Variants in FMNL3 observed in about 807,000 individuals in gnomAD.
The protein encoded by FMNL3 is formin like 3, also known as formin-like protein 3.
FMNL3 carries 57 observed loss-of-function variants against 119.6 expected under a neutral mutation model. The observed-to-expected ratio is 0.48, with a 90% CI of 0.39 to 0.59. The LOEUF (loss-of-function observed/expected upper bound fraction) is 0.59. Ranked by LOEUF, FMNL3 falls within the 20% of genes least tolerant of loss-of-function variation. The pLI is 0.00. For synonymous variants in FMNL3, 491 were observed against 507.3 expected (o/e 0.97, Z 0.43); for missense variants, 1,053 against 1,323.5 (o/e 0.80, Z 3.17).
chr12:49,654,808 C>T (rs1943520096), intron 10 of FMNL3, 102 bp downstream of exon 10: 2 of 1,102,508 alleles, frequency 1.8e-6, no homozygotes, highest in Admixed American at 4.2e-5. Context: ...ATTCTGGGCT[C>T]TACGTGGAAT....
intron 1 of FMNL3, among the ~76,000 whole-genome samples, chr12:49,670,605 AAAG>A (rs1435251490): frequency 6.6e-6 from 1 of 152,200 alleles, no homozygotes; most frequent in African/African-American, 2.4e-5. Flanking sequence ...TGAGAGAAAC[AAAG>A]AAGGGGAAGA....
chr12:49,646,768 A>T, intron 25 of FMNL3, 118 bp downstream of exon 25: 2 of 1,601,996 alleles, frequency 1.2e-6, no homozygotes, highest in Non-Finnish European at 1.7e-6. Flanking sequence ...GGCCCAGGAG[A>T]GAGACACAGT....
chr12:49,687,003 C>A (rs1314884941), intron 1 of FMNL3, among the ~76,000 whole-genome samples: 5 of 152,164 alleles, frequency 3.3e-5, no homozygotes, highest in Non-Finnish European at 7.4e-5. Context: ...GCACTGGGAT[C>A]CAAAGTTCAT....
At chr12:49,685,989 C>T (rs1207242594) in intron 1 of FMNL3, among the ~76,000 whole-genome samples, 1 of 152,110 alleles carries the variant, frequency 6.6e-6, no homozygotes, top group Non-Finnish European at 1.5e-5. Flanking sequence ...ATCACTTGAA[C>T]CTGGGAGGCA....
At position 49,645,412 on chromosome 12, in the gene FMNL3, C is replaced by T. The variant is rs1027346820; in HGVS notation, c.*403G>A. ...TCCCAGGGCTCCCTAAGCCTAGATA[C>T]ATCTAGACCAGAGCTGACCATGGGC... On this transcript the variant is annotated 3_prime_UTR_variant, in exon 26 of 26. Coordinates refer to ENST00000335154, the MANE Select transcript of FMNL3 (RefSeq NM_175736.5). The T allele has an allele frequency of 5.9e-6, 1 of 169,106 alleles. No individual in the cohort carries two copies. Among genetic ancestry groups the T allele is most frequent in the Non-Finnish European group, 1.3e-5 (1 of 79,202 alleles). 10.5% of individuals were successfully genotyped at this position (169,106 alleles called of 1,614,324 possible).
rs1343998810 is a variant in FMNL3 at position 49,637,939 on chromosome 12, A to G, written c.*7876T>C. The G allele has an allele frequency of 1.3e-6, 1 of 773,220 alleles. No homozygotes were observed. The allele number at this position is 773,220 out of a possible 1,614,324, so 47.9% of individuals were successfully genotyped here. On this transcript the variant is annotated 3_prime_UTR_variant, in exon 26 of 26. Coordinates refer to ENST00000335154, the MANE Select transcript of FMNL3 (RefSeq NM_175736.5). ...AGCATTACAGCTTGGTTCAGCAGAT[A>G]TCTACTGTGATCCTTTACTGCACAC...
intron 1 of FMNL3, among the ~76,000 whole-genome samples, chr12:49,696,147 T>C (rs1340174308): frequency 6.6e-6 from 1 of 152,204 alleles, no homozygotes; most frequent in Non-Finnish European, 1.5e-5. Flanking sequence ...GATATAAAAT[T>C]ATATAGTAAT....
rs368213608 is a variant in FMNL3 at position 49,643,695 on chromosome 12, T to C, written c.*2120A>G. 1.9e-6 allele frequency: 3 copies of C among 1,614,040 alleles called. No homozygotes were observed. Among genetic ancestry groups the C allele is most frequent in the Non-Finnish European group, 2.5e-6 (3 of 1,179,980 alleles). On this transcript the variant is annotated 3_prime_UTR_variant, in exon 26 of 26. Coordinates refer to ENST00000335154, the MANE Select transcript of FMNL3 (RefSeq NM_175736.5). Reference sequence around the variant, plus strand: ...TAGGGATTTTTCTATCTCTAGATCATGGCCTTCGGAAAGCCAAGAAACCAA... The same window carrying C: ...TAGGGATTTTTCTATCTCTAGATCACGGCCTTCGGAAAGCCAAGAAACCAA...
intron 1 of FMNL3, among the ~76,000 whole-genome samples, chr12:49,690,351 T>C (rs969375919): frequency 6.6e-6 from 1 of 152,176 alleles, no homozygotes; most frequent in Non-Finnish European, 1.5e-5. Flanking sequence ...AATGAACATT[T>C]AGAATAGACC....
At chr12:49,646,674 C>T in intron 25 of FMNL3, 1 of 1,535,844 alleles carries the variant, frequency 6.5e-7, no homozygotes, top group Non-Finnish European at 8.7e-7. Flanking sequence ...AACAGTTTGA[C>T]TCATCATGGT....
intron 1 of FMNL3, among the ~76,000 whole-genome samples, chr12:49,706,588 G>A (rs1050228297): frequency 1.3e-5 from 2 of 152,074 alleles, no homozygotes; most frequent in African/African-American, 4.8e-5. Flanking sequence ...CTGGGAGTGG[G>A]ACCCACTCCC....
intron 1 of FMNL3, among the ~76,000 whole-genome samples, chr12:49,690,266 C>T (rs950120357): frequency 2.0e-5 from 3 of 152,072 alleles, no homozygotes; most frequent in Admixed American, 1.3e-4. Flanking sequence ...CCCCCAAGTA[C>T]AAGGGAAAGT....
At chr12:49,676,742 G>C (rs1473500594) in intron 1 of FMNL3, among the ~76,000 whole-genome samples, 1 of 151,984 alleles carries the variant, frequency 6.6e-6, no homozygotes, top group Non-Finnish European at 1.5e-5. Flanking sequence ...TTTTACCACT[G>C]TCCTTACTAT....
At chr12:49,697,536 C>T (rs1334502658) in intron 1 of FMNL3, among the ~76,000 whole-genome samples, 1 of 152,174 alleles carries the variant, frequency 6.6e-6, no homozygotes, top group Non-Finnish European at 1.5e-5. Flanking sequence ...ACAGCCTTGG[C>T]TCTCAGCTAG....
Position 49,647,420 on chromosome 12 carries a change from G to T in FMNL3, c.2779-52C>A. On this transcript the variant is annotated intron_variant, in intron 23 of 25. Coordinates refer to ENST00000335154, the MANE Select transcript of FMNL3 (RefSeq NM_175736.5). This position sits in a 1 kb window ranked among gnomAD's most constrained non-coding sequence, Gnocchi z 4.9. ...GGGAGTGAGGCTCATAGGCTGTGAG[G>T]GGAGGGGCTGACACTGAGGTGGAGA... The T allele has an allele frequency of 6.3e-7, 1 of 1,578,690 alleles. No homozygotes were observed. The highest frequency in any genetic ancestry group is 8.6e-7 in the Non-Finnish European group (1 of 1,156,502).
intron 1 of FMNL3, 58 bp downstream of exon 1, chr12:49,706,997 C>T (rs561559132): frequency 1.9e-6 from 3 of 1,538,882 alleles, no homozygotes; most frequent in African/African-American, 1.4e-5. Context: ...AAGTCCCAGC[C>T]CGGGCGTCGG....
chr12:49,698,905 T>A (rs1944826832), intron 1 of FMNL3, among the ~76,000 whole-genome samples: 1 of 152,182 alleles, frequency 6.6e-6, no homozygotes, highest in Non-Finnish European at 1.5e-5. Context: ...ATGACAATCT[T>A]AAATCCCTGA....
intron 1 of FMNL3, among the ~76,000 whole-genome samples, chr12:49,684,545 G>T (rs926259283): frequency 1.3e-5 from 2 of 152,214 alleles, no homozygotes; most frequent in East Asian, 3.8e-4. Flanking sequence ...TAGCTTCTGA[G>T]ATGATGCTCA....
intron 1 of FMNL3, among the ~76,000 whole-genome samples, chr12:49,690,968 A>G (rs914597757): frequency 2.0e-5 from 3 of 152,212 alleles, no homozygotes; most frequent in Non-Finnish European, 2.9e-5. Flanking sequence ...ACTTGAGCCC[A>G]GGAGGCTGAG....
Sources: gnomAD v4.1 joint callset for allele counts (sites outside exome capture counted in the v4.1 genomes callset) on GRCh38, gnomAD v4.1.1 for gene constraint, Gnocchi (gnomAD v3.1) non-coding constraint, MANE v1.5 for transcripts, NCBI Gene and HGNC (gene_info 2026-07-23, HGNC 2026-07-21) for gene names.